The following GYS1 variants were observed in gnomAD, a reference collection of about 807,000 sequenced individuals.
GYS1 encodes glycogen synthase 1.
Under a neutral mutation model 89.1 loss-of-function variants are expected in GYS1, and 60 were observed. The ratio of observed to expected loss-of-function variants is 0.67; its 90% CI spans 0.55 to 0.84. The LOEUF is 0.84. Among genes scored for constraint, GYS1 ranks in the 40% least tolerant of loss-of-function variants. GYS1 has a pLI of 0.00. For missense variants in GYS1, 888 were observed against 1,003.1 expected (o/e 0.89, Z 1.55); for synonymous variants, 366 against 401.7 (o/e 0.91, Z 1.06).
At position 48,969,033 on chromosome 19, in the gene GYS1, G is replaced by A. The variant is rs898266254; in HGVS notation, c.*255C>T. 7.6e-6 allele frequency: 5 copies of A among 659,408 alleles called. No individual in the cohort carries two copies. Among genetic ancestry groups the A allele is most frequent in the Admixed American group, 6.7e-5 (3 of 44,960 alleles). 40.8% of individuals were successfully genotyped at this position (659,408 alleles called of 1,614,324 possible). A position where few individuals can be genotyped will look rare whatever the true frequency, so the allele number is the denominator to read the frequency against. ...GGCAGATTCCTGGCCTCTGGGAAGCGGTCCAGGCCCAGGGGACTCCAGGGC... is the reference window on the plus strand; with the variant it reads ...GGCAGATTCCTGGCCTCTGGGAAGCAGTCCAGGCCCAGGGGACTCCAGGGC... On this transcript the variant is annotated 3_prime_UTR_variant, in exon 16 of 16. Coordinates refer to ENST00000323798, the MANE Select transcript of GYS1 (RefSeq NM_002103.5).
rs1338479630 is a variant in GYS1 at position 48,978,169 on chromosome 19, A to G, written c.1170-12T>C. On this transcript the variant is annotated splice_polypyrimidine_tract_variant and intron_variant, in intron 8 of 15. Coordinates refer to ENST00000323798, the MANE Select transcript of GYS1 (RefSeq NM_002103.5). ...TGTTGGCCGTGTCCCTGGAGGAAGC[A>G]GAGCAACAGGGTCACATACACACCA... 1.2e-6 allele frequency: 2 copies of G among 1,610,412 alleles called. No homozygotes were observed. Among genetic ancestry groups the G allele is most frequent in the African/African-American group, 2.7e-5 (2 of 74,972 alleles).
chr19:48,989,282 G>C (rs1358398407), intron 2 of GYS1, among the ~76,000 whole-genome samples: 2 of 151,500 alleles, frequency 1.3e-5, no homozygotes. Flanking sequence ...AGGAGTTTGA[G>C]ACCAGCCTGG....
At chr19:48,979,942 C>T (rs570750693) in intron 8 of GYS1, among the ~76,000 whole-genome samples, 5 of 151,866 alleles carry the variant, frequency 3.3e-5, no homozygotes, top group East Asian at 1.9e-4. Flanking sequence ...CCACCACGCC[C>T]GACTTCTTTT....
intron 1 of GYS1, among the ~76,000 whole-genome samples, chr19:48,992,273 C>T (rs1376631616): frequency 6.6e-6 from 1 of 152,142 alleles, no homozygotes; most frequent in Non-Finnish European, 1.5e-5. Flanking sequence ...GGATTTCAGC[C>T]CCAGCCTTCT....
At position 48,968,443 on chromosome 19, in the gene GYS1, C is replaced by T. The variant is rs2038494455; in HGVS notation, c.*845G>A. 1 of 454,396 alleles carries T rather than the reference C, an allele frequency of 2.2e-6. No individual in the cohort carries two copies. The highest frequency in any genetic ancestry group is 6.9e-5 in the East Asian group (1 of 14,400). 28.1% of individuals were successfully genotyped at this position (454,396 alleles called of 1,614,324 possible). On this transcript the variant is annotated 3_prime_UTR_variant, in exon 16 of 16. Transcript: ENST00000323798. ...CCTAGTGGTTTCACAGTGGGCAGAG[C>T]AGTTGGGAATAAGCCAGGTTAGGGG...
Position 48,969,409 on chromosome 19 carries a change from G to T in GYS1, c.2093C>A (p.Ser698Tyr). Residue 698 changes from serine to tyrosine, a missense_variant, in exon 16 of 16, where the codon TCC becomes TAC. Transcript: ENST00000323798. ...IRAPEWPRRASCTSSTSGSKR... is the reference protein window; with the variant it reads ...IRAPEWPRRAYCTSSTSGSKR... Reference sequence around the variant, plus strand: ...GCTGCCGCTGGTGGAGGAGGTGCAGGACGCTCGGCGCGGCCACTCTGGTGC... The same window carrying T: ...GCTGCCGCTGGTGGAGGAGGTGCAGTACGCTCGGCGCGGCCACTCTGGTGC... 6.4e-7 allele frequency: 1 copy of T among 1,553,010 alleles called. No homozygotes were observed.
chr19:48,988,476 G>C (rs1308556293), intron 2 of GYS1, among the ~76,000 whole-genome samples: 1 of 152,028 alleles, frequency 6.6e-6, no homozygotes, highest in East Asian at 1.9e-4. Context: ...GGGCCACCAT[G>C]CCAGGCTGAT....
At position 48,968,553 on chromosome 19, in the gene GYS1, T is replaced by G. The variant is rs908242316; in HGVS notation, c.*735A>C. ...TTTAGAAAGGAAGAGTAGGATCTGG[T>G]CCAGAAAGGGCCAGAAAGACAGGAA... On this transcript the variant is annotated 3_prime_UTR_variant, in exon 16 of 16. Transcript: ENST00000323798. 1 of 454,286 alleles carries G rather than the reference T, an allele frequency of 2.2e-6. No individual in the cohort carries two copies. Among genetic ancestry groups the G allele is most frequent in the Non-Finnish European group, 4.4e-6 (1 of 226,758 alleles). 28.1% of individuals were successfully genotyped at this position (454,286 alleles called of 1,614,324 possible).
intron 2 of GYS1, among the ~76,000 whole-genome samples, chr19:48,987,712 C>T (rs1017552522): frequency 1.3e-5 from 2 of 152,148 alleles, no homozygotes; most frequent in Non-Finnish European, 2.9e-5. Flanking sequence ...TCTCAGCTCA[C>T]TGCAACCTCT....
chr19:48,970,182 G>A (rs2038537101), intron 14 of GYS1: 2 of 473,284 alleles, frequency 4.2e-6, no homozygotes, highest in Admixed American at 3.5e-5. Flanking sequence ...GGAGTGCAGT[G>A]GGTTTGAACA....
chr19:48,977,028 A>C (rs963161267), intron 10 of GYS1, among the ~76,000 whole-genome samples: 3 of 151,800 alleles, frequency 2.0e-5, no homozygotes, highest in African/African-American at 7.3e-5. Flanking sequence ...GGCTCAAGCG[A>C]TCCTCCCACC....
At chr19:48,975,911 CAA>C (rs760164673) in intron 10 of GYS1, among the ~76,000 whole-genome samples, 10 of 41,352 alleles carry the variant, frequency 2.4e-4, no homozygotes, top group Middle Eastern at 0.013. Context: ...GACTCCGTCT[CAA>C]AAAAAAAAAA....
intron 5 of GYS1, among the ~76,000 whole-genome samples, chr19:48,984,356 CAT>C (rs376075611): frequency 2.0e-5 from 3 of 151,350 alleles, no homozygotes; most frequent in African/African-American, 4.9e-5. Flanking sequence ...CATACATCCA[CAT>C]GAGTCCAATT....
rs2038525653 is a variant in GYS1, at chr19:48,969,776, G to A, written c.1889C>T (p.Ala630Val). Residue 630 changes from alanine to valine, a missense_variant and splice_region_variant, in exon 15 of 16, where the codon GCG (alanine) becomes GTG (valine). Coordinates refer to ENST00000323798, the MANE Select transcript of GYS1 (RefSeq NM_002103.5). Reference protein sequence around the residue: ...HFTYEPNEADAAQGYRYPRPA... With the variant: ...HFTYEPNEADVAQGYRYPRPA... Reference sequence around the variant, plus strand: ...AGCAGAAATCCAGGGTCCACTCACCGCATCCGCCTCGTTGGGCTCGTAGGT... The same window carrying A: ...AGCAGAAATCCAGGGTCCACTCACCACATCCGCCTCGTTGGGCTCGTAGGT... The A allele has an allele frequency of 2.5e-6, 4 of 1,612,974 alleles. No homozygotes were observed. The highest frequency in any genetic ancestry group is 2.7e-5 in the African/African-American group (2 of 74,888).
intron 12 of GYS1, among the ~76,000 whole-genome samples, chr19:48,972,139 AC>A (rs951387010): frequency 3.3e-5 from 5 of 151,680 alleles, no homozygotes; most frequent in South Asian, 2.1e-4. Context: ...AAAAAAAAAA[AC>A]CATCCTGGCC....
Position 48,987,209 on chromosome 19 carries a change from G to C in GYS1, c.477C>G (p.Thr159=), listed in dbSNP as rs144548792. The change falls in exon 3 of 16, where the codon ACC becomes ACG. Residue 159 remains threonine (T), a synonymous_variant. Transcript: ENST00000323798. ...NDAVLFGFLT[T]WFLGEFLAQS... ...CGGGGCCTACCTCACCCAGGAACCA[G>C]GTGGTCAGAAAGCCAAAGAGGACAG... 9.2e-5 allele frequency: 149 copies of C among 1,612,390 alleles called. No homozygotes were observed. Among genetic ancestry groups the C allele is most frequent in the Non-Finnish European group, 1.0e-4 (122 of 1,178,748 alleles).
intron 5 of GYS1, 132 bp downstream of exon 5, chr19:48,985,329 G>T: frequency 1.1e-6 from 1 of 896,082 alleles, no homozygotes; most frequent in Non-Finnish European, 1.8e-6. Context: ...GAGCCACCAT[G>T]CCCAGCCGAA....
chr19:48,993,196 GCCGAGTAGCTGGTGC>G lies in GYS1; in HGVS notation c.-99_-85del, dbSNP rs1227935611. 4.9e-6 allele frequency: 4 copies of G among 818,910 alleles called. No individual in the cohort carries two copies. In the African/African-American group the frequency reaches 5.0e-5, roughly 10 times the overall value. The allele number at this position is 818,910 out of a possible 1,614,324, so 50.7% of individuals were successfully genotyped here. A position where few individuals can be genotyped will look rare whatever the true frequency, so the allele number is the denominator to read the frequency against. On this transcript the variant is annotated 5_prime_UTR_variant, in exon 1 of 16. Coordinates refer to ENST00000323798, the MANE Select transcript of GYS1 (RefSeq NM_002103.5). Reference sequence around the variant, plus strand: ...GGGAATGCACCAGGTAGGGTGCGGGGCCGAGTAGCTGGTGCCCGACGGGAAGCTTGCAAGACGCTC... The same window carrying G: ...GGGAATGCACCAGGTAGGGTGCGGGGCCGACGGGAAGCTTGCAAGACGCTC...
Position 48,993,129 on chromosome 19 carries a change from G to C in GYS1, c.-17C>G. On this transcript the variant is annotated 5_prime_UTR_variant, in exon 1 of 16. Transcript: ENST00000323798. Reference sequence around the variant, plus strand: ...TAAAGGCATGGCTGGCGCAGGAAGGGGGGCTCCGGGGATCTCCAGGTAGGG... The same window carrying C: ...TAAAGGCATGGCTGGCGCAGGAAGGCGGGCTCCGGGGATCTCCAGGTAGGG... The C allele has an allele frequency of 7.1e-7, 1 of 1,400,830 alleles. No individual in the cohort carries two copies. Among genetic ancestry groups the C allele is most frequent in the Non-Finnish European group, 1.0e-6 (1 of 985,882 alleles). The allele number at this position is 1,400,830 out of a possible 1,614,324, so 86.8% of individuals were successfully genotyped here. A position where few individuals can be genotyped will look rare whatever the true frequency, so the allele number is the denominator to read the frequency against.
Sources: allele counts gnomAD v4.1 joint callset (sites outside exome capture counted in the v4.1 genomes callset), GRCh38; gene constraint gnomAD v4.1.1; transcripts MANE v1.5; gene names NCBI Gene and HGNC (gene_info 2026-07-23, HGNC 2026-07-21).